Variants in FBN3 observed in about 807,000 individuals in gnomAD.
FBN3 encodes the protein fibrillin 3, also known as fibrillin-3.
FBN3 carries 234 observed loss-of-function variants against 330.1 expected under a neutral mutation model. The ratio of observed to expected loss-of-function variants is 0.71; its 90% CI spans 0.64 to 0.79. FBN3 has a LOEUF of 0.79. Among genes scored for constraint, FBN3 ranks in the 30% least tolerant of loss-of-function variants. The pLI, the probability that FBN3 is intolerant of heterozygous loss-of-function variation, is 0.00. For synonymous variants in FBN3, 1,458 were observed against 1,517.3 expected (o/e 0.96, Z 0.91); for missense variants, 3,606 against 3,886.9 (o/e 0.93, Z 1.92).
rs2082848242 is a variant in FBN3 at position 8,121,438 on chromosome 19, G to A, written c.3083-52C>T. On this transcript the variant is annotated intron_variant, in intron 24 of 63. Transcript: ENST00000600128. This position sits in a 1 kb window ranked among gnomAD's most constrained non-coding sequence, Gnocchi z 4.5. ...AGGCGCCATGTGGGCCGCATCATGG[G>A]GCACGAGGCAGGGGGGTCCCTGTCC... 2.0e-6 allele frequency: 3 copies of A among 1,514,066 alleles called. No individual in the cohort carries two copies. The highest frequency in any genetic ancestry group is 4.3e-5 in the Admixed American group (2 of 46,600). 93.8% of individuals were successfully genotyped at this position (1,514,066 alleles called of 1,614,324 possible).
chr19:8,096,451 C>T lies in FBN3; in HGVS notation c.5532G>A (p.Leu1844=). ...GGAAGATAAGGGTCTCACCCATGCA[C>T]AGGGTCTGGTCTGCAGAGGCCTGGA... is the stretch of plus-strand genomic sequence containing the variant. ...RGFQASADQT[L]CMDIDECDRQ... is the part of the protein sequence containing the mutation. Residue 1844 remains leucine (L), a synonymous_variant, in exon 44 of 64, where the codon CTG becomes CTA. Coordinates refer to ENST00000600128, the MANE Select transcript of FBN3 (RefSeq NM_032447.5). This position sits in a 1 kb window ranked among gnomAD's most constrained non-coding sequence, Gnocchi z 4.6. The T allele has an allele frequency of 3.1e-6, 5 of 1,613,654 alleles. No homozygotes were observed. The highest frequency in any genetic ancestry group is 1.1e-5 in the South Asian group (1 of 91,014).
intron 13 of FBN3, 25 bp downstream of exon 13, chr19:8,135,936 G>GAGC: frequency 1.0e-5 from 7 of 668,772 alleles, no homozygotes; most frequent in South Asian, 1.6e-5. Context: ...GGAAGCCCCT[G>GAGC]CCCACCCGCC....
At chr19:8,105,491 C>A (rs2082419983) in intron 38 of FBN3, among the ~76,000 whole-genome samples, 1 of 152,132 alleles carries the variant, frequency 6.6e-6, no homozygotes, top group Non-Finnish European at 1.5e-5. Flanking sequence ...CTCCTGGCCT[C>A]AAGCAATCCT....
In FBN3 at chr19:8,142,114, C is replaced by T; in HGVS notation, c.565G>A (p.Gly189Ser). ...ERDYRTGPCFGQVGPEGCQHQ... is the reference protein window; with the variant it reads ...ERDYRTGPCFSQVGPEGCQHQ... ...TGGCACCCCTCGGGGCCTACTTGGC[C>T]AAAGCAGGGTCCCGTCCGGTAATCT... The change falls in exon 7 of 64, where the codon GGC becomes AGC. Residue 189 changes from glycine (G) to serine (S), a missense_variant. Physicochemically the swap from Gly to Ser is moderately conservative, Grantham distance 56 (BLOSUM62 0). Transcript: ENST00000600128. The T allele has an allele frequency of 1.2e-6, 2 of 1,611,978 alleles. No individual in the cohort carries two copies. Among genetic ancestry groups the T allele is most frequent in the Non-Finnish European group, 1.7e-6 (2 of 1,179,070 alleles).
In FBN3 at chr19:8,137,120, G is replaced by A. The variant is rs548843635; in HGVS notation, c.1202-589C>T. ...CCTGGTGCCTAGATCCCTCCAACCTGGAACCCAGATTCCTCCAACCTGGTG... is the reference window on the plus strand; with the variant it reads ...CCTGGTGCCTAGATCCCTCCAACCTAGAACCCAGATTCCTCCAACCTGGTG... On this transcript the variant is annotated intron_variant, in intron 10 of 63. Coordinates refer to ENST00000600128, the MANE Select transcript of FBN3 (RefSeq NM_032447.5). Among the ~76,000 whole-genome samples, 11 of 148,384 alleles carry A rather than the reference G, an allele frequency of 7.4e-5. No homozygotes were observed. In the East Asian group the frequency reaches 2.2e-3, roughly 30 times the overall value.
chr19:8,080,506 C>T (rs1222501243), intron 59 of FBN3, among the ~76,000 whole-genome samples: 2 of 152,220 alleles, frequency 1.3e-5, no homozygotes, highest in Admixed American at 6.5e-5. Context: ...GGCCTCTCTC[C>T]TCCCAAAGGA....
intron 25 of FBN3, among the ~76,000 whole-genome samples, chr19:8,119,813 CTTTTTTTTTTT>C (rs869084219): frequency 2.0e-4 from 10 of 48,782 alleles, no homozygotes; most frequent in African/African-American, 6.6e-4. Flanking sequence ...CGAGCCCAGC[CTTTTTTTTTTT>C]TTTTTTTTTT....
chr19:8,125,790 C>G (rs1419156137), intron 22 of FBN3, 102 bp downstream of exon 22: 1 of 997,378 alleles, frequency 1.0e-6, no homozygotes, highest in East Asian at 3.7e-5. Flanking sequence ...GACTCCATCT[C>G]AAAAAAAAAA....
At chr19:8,147,235 TC>T (rs2083570212) in intron 2 of FBN3, 49 bp from the exon 3 acceptor site, 9 of 1,556,288 alleles carry the variant, frequency 5.8e-6, no homozygotes, top group Admixed American at 1.9e-5. Flanking sequence ...CGTGTGGACA[TC>T]CCCCCGGGTA....
At chr19:8,128,201 T>G (rs1382035539) in intron 18 of FBN3, among the ~76,000 whole-genome samples, 1 of 152,082 alleles carries the variant, frequency 6.6e-6, no homozygotes, top group Non-Finnish European at 1.5e-5. Flanking sequence ...CTGGGATGTG[T>G]GTATAACTGT....
Position 8,090,202 on chromosome 19 carries a change from C to A in FBN3, c.6081G>T (p.Ser2027=), listed in dbSNP as rs371231933. 4 of 1,613,866 alleles carry A rather than the reference C, an allele frequency of 2.5e-6. No individual in the cohort carries two copies. Among genetic ancestry groups the A allele is most frequent in the Admixed American group, 3.3e-5 (2 of 59,984 alleles). ...CFTRFEAGKC[S]VPKAFNTTKT... is the part of the protein sequence containing the mutation. Reference sequence around the variant, plus strand: ...TGGTGGTGTTGAAAGCTTTGGGCACCGAGCACTTCCCAGCCTCAAAACGGG... The same window carrying A: ...TGGTGGTGTTGAAAGCTTTGGGCACAGAGCACTTCCCAGCCTCAAAACGGG... The change falls in exon 49 of 64, where the codon TCG becomes TCT. Residue 2027 remains serine (S), a synonymous_variant. Coordinates refer to ENST00000600128, the MANE Select transcript of FBN3 (RefSeq NM_032447.5).
chr19:8,107,159 G>A (rs1241012571), intron 37 of FBN3, among the ~76,000 whole-genome samples: 1 of 148,150 alleles, frequency 6.7e-6, no homozygotes, highest in Non-Finnish European at 1.5e-5. Context: ...ATGGATGAAT[G>A]GGTAGATAAA....
intron 41 of FBN3, among the ~76,000 whole-genome samples, chr19:8,099,750 C>T (rs1024332735): frequency 1.3e-4 from 20 of 151,954 alleles, no homozygotes; most frequent in Non-Finnish European, 2.9e-5. Context: ...GTGGCTCACA[C>T]CTGTAATCCC....
At chr19:8,123,374 A>G (rs2082899797) in intron 24 of FBN3, 90 bp downstream of exon 24, 13 of 1,386,408 alleles carry the variant, frequency 9.4e-6, no homozygotes, top group Non-Finnish European at 1.2e-5. Flanking sequence ...AAGAAGAAGA[A>G]AAAGAACAGG....
chr19:8,075,080 G>A lies in FBN3; in HGVS notation c.7693C>T (p.Gln2565Ter). ...AGCCCTTTTCACTCACCCACACACT[G>A]GGCCCACTGGGAGTGCTGGGTGAAA... The part of the protein sequence containing the change: ...QGFTQHSQWA[Q>*]CVDENECALS... Residue 2565 changes from glutamine to a stop codon, truncating the protein, a stop_gained, in exon 61 of 64, where the codon CAG (glutamine) becomes TAG (stop). Coordinates refer to ENST00000600128, the MANE Select transcript of FBN3 (RefSeq NM_032447.5). LOFTEE classifies it high-confidence loss of function. The A allele has an allele frequency of 6.2e-7, 1 of 1,602,640 alleles. No individual in the cohort carries two copies. Among genetic ancestry groups the A allele is most frequent in the Non-Finnish European group, 8.5e-7 (1 of 1,174,282 alleles).
intron 7 of FBN3, 41 bp from the exon 8 acceptor site, chr19:8,141,883 G>T (rs373120725): frequency 3.1e-6 from 5 of 1,612,500 alleles, no homozygotes; most frequent in Non-Finnish European, 4.2e-6. Context: ...GAGGCCCATC[G>T]GAGGGAAGAA....
intron 5 of FBN3, among the ~76,000 whole-genome samples, chr19:8,145,290 T>C (rs547049626): frequency 1.3e-5 from 2 of 150,086 alleles, no homozygotes; most frequent in East Asian, 3.9e-4. Flanking sequence ...AGAAGAATTG[T>C]TCAAACCTGG....
intron 46 of FBN3, among the ~76,000 whole-genome samples, chr19:8,094,970 T>TTTTA (rs939271335): frequency 1.4e-4 from 21 of 152,144 alleles, no homozygotes; most frequent in Non-Finnish European, 1.0e-4. Flanking sequence ...TTTATAATTA[T>TTTTA]TTTATTTATT....
chr19:8,087,392 CT>C (rs2081988317), intron 53 of FBN3, among the ~76,000 whole-genome samples, 181 bp from the exon 54 acceptor site: 1 of 152,126 alleles, frequency 6.6e-6, no homozygotes, highest in African/African-American at 2.4e-5. Context: ...CTCCAAGAAG[CT>C]GAGGGAATCA....
Sources: gnomAD v4.1 joint callset for allele counts (sites outside exome capture counted in the v4.1 genomes callset) on GRCh38, gnomAD v4.1.1 for gene constraint, Gnocchi (gnomAD v3.1) non-coding constraint, MANE v1.5 for transcripts, NCBI Gene and HGNC (gene_info 2026-07-23, HGNC 2026-07-21) for gene names.